The following ARHGEF7 variants were observed in gnomAD, a reference collection of about 807,000 sequenced individuals.
The protein encoded by ARHGEF7 is Rho guanine nucleotide exchange factor 7, also known as PAK-interacting exchange factor beta.
In ARHGEF7, 33 loss-of-function variants were observed where a neutral mutation model predicts 109.8. The observed-to-expected ratio is 0.30, with a 90% confidence interval of 0.23 to 0.40. The LOEUF is 0.40. ARHGEF7 is among the 10% of genes least tolerant of loss of function. ARHGEF7 has a pLI of 1.00. For synonymous variants in ARHGEF7, 458 were observed against 424.6 expected (o/e 1.08, Z -0.97); for missense variants, 938 against 1,098.5 (o/e 0.85, Z 2.07).
intron 9 of ARHGEF7, among the ~76,000 whole-genome samples, chr13:111,269,702 A>C (rs746523519): frequency 3.9e-5 from 6 of 152,056 alleles, no homozygotes; most frequent in Non-Finnish European, 7.4e-5. Flanking sequence ...AGGTCCCCCG[A>C]GCCAGCAGGT....
chr13:111,217,529 G>T (rs116897910), intron 4 of ARHGEF7, 150 bp from the exon 5 acceptor site: 1 of 695,594 alleles, frequency 1.4e-6, no homozygotes, highest in Non-Finnish European at 2.5e-6. Context: ...TGGTCATGGG[G>T]CACTGGAAGG....
At chr13:111,149,086 T>TA (rs556641885) in intron 1 of ARHGEF7, among the ~76,000 whole-genome samples, 3 of 149,628 alleles carry the variant, frequency 2.0e-5, no homozygotes, top group East Asian at 1.9e-4. Flanking sequence ...ATTAACAAAC[T>TA]AAAAAAAAAG....
In ARHGEF7 at chr13:111,172,229, C is replaced by T. The variant is rs143118246; in HGVS notation, c.252+18238C>T. On this transcript the variant is annotated intron_variant, in intron 2 of 21. Coordinates refer to ENST00000646102, the MANE Select transcript of ARHGEF7 (RefSeq NM_001354046.2). ...AAATGGAAGCACTCACTGATCAGTG[C>T]TCTAGGGGCCTTTAGAGCATAGTCT... 3.2e-3 allele frequency among the ~76,000 whole-genome samples: 491 copies of T among 152,242 alleles called. 3 individuals are homozygous for T. Among genetic ancestry groups the T allele is most frequent in the South Asian group, 8.3e-3 (40 of 4,814 alleles).
chr13:111,168,900 A>C (rs73633273), intron 2 of ARHGEF7, among the ~76,000 whole-genome samples: 5,437 of 152,318 alleles, frequency 0.036, 335 homozygotes, highest in African/African-American at 0.12. Context: ...AGGGTAGGTG[A>C]CATTGCTTCT....
Position 111,115,572 on chromosome 13 carries a change from G to C in ARHGEF7, c.46G>C (p.Val16Leu). 7.0e-7 allele frequency: 1 copy of C among 1,428,096 alleles called. No homozygotes were observed. The highest frequency in any genetic ancestry group is 9.3e-7 in the Non-Finnish European group (1 of 1,074,566). 88.5% of individuals were successfully genotyped at this position (1,428,096 alleles called of 1,614,324 possible). Residue 16 changes from valine (V) to leucine (L), a missense_variant, in exon 1 of 22, where the codon GTG becomes CTG. By Grantham distance (32) the Val-to-Leu change is conservative (BLOSUM62 1). Around this residue, in one of 4 missense-constraint regions of ARHGEF7, gnomAD observed 165 missense variants for 125.8 expected, o/e 1.31. Coordinates refer to ENST00000646102, the MANE Select transcript of ARHGEF7 (RefSeq NM_001354046.2). ...CGTTACGTGGCTCATCACTCTGGGG[G>C]TGCTGGAGTCGCCCAAAAAAACCAT... ...QTVTWLITLG[V>L]LESPKKTISD...
chr13:111,241,216 C>T, intron 6 of ARHGEF7: 1 of 1,536,160 alleles, frequency 6.5e-7, no homozygotes, highest in Non-Finnish European at 8.7e-7. Flanking sequence ...TCTTTGAAAA[C>T]TGCCTGCGTC....
At chr13:111,227,643 C>G (rs2085390417) in intron 5 of ARHGEF7, among the ~76,000 whole-genome samples, 1 of 152,150 alleles carries the variant, frequency 6.6e-6, no homozygotes, top group Non-Finnish European at 1.5e-5. Flanking sequence ...GGTCTGAAAC[C>G]AAGCCCTCAG....
intron 10 of ARHGEF7, 43 bp from the exon 11 acceptor site, chr13:111,274,688 C>T (rs772998408): frequency 1.2e-5 from 15 of 1,274,168 alleles, no homozygotes; most frequent in Non-Finnish European, 1.6e-5. Context: ...TTAAGAAAAG[C>T]TTTTCCTTAT....
At chr13:111,241,067 G>A (rs1386147009) in intron 6 of ARHGEF7, 4 of 1,384,142 alleles carry the variant, frequency 2.9e-6, no homozygotes, top group Admixed American at 2.5e-5. Flanking sequence ...GCTCTGAGGC[G>A]GGCAGCATAG....
At chr13:111,235,347 A>T (rs1292790016) in intron 6 of ARHGEF7, among the ~76,000 whole-genome samples, 1 of 152,318 alleles carries the variant, frequency 6.6e-6, no homozygotes, top group East Asian at 1.9e-4. Flanking sequence ...ATTCTGTAAT[A>T]CTTCTCAGAT....
intron 2 of ARHGEF7, among the ~76,000 whole-genome samples, chr13:111,190,660 G>A (rs4773331): frequency 0.31 from 47,604 of 152,024 alleles, 8,327 homozygotes; most frequent in Non-Finnish European, 0.4. Context: ...GTATGGCTCT[G>A]CGATGACAGA....
intron 9 of ARHGEF7, among the ~76,000 whole-genome samples, chr13:111,268,565 G>T (rs981901222): frequency 2.6e-5 from 4 of 152,202 alleles, no homozygotes; most frequent in African/African-American, 9.7e-5. Context: ...AACAGGTGTT[G>T]GTTGCCTCTT....
intron 2 of ARHGEF7, among the ~76,000 whole-genome samples, chr13:111,187,620 TCA>T (rs2079402776): frequency 6.6e-6 from 1 of 152,250 alleles, no homozygotes; most frequent in African/African-American, 2.4e-5. Flanking sequence ...ATTAGACATA[TCA>T]CACGATCTAT....
At chr13:111,137,334 T>A (rs1367951128) in intron 1 of ARHGEF7, among the ~76,000 whole-genome samples, 1 of 152,246 alleles carries the variant, frequency 6.6e-6, no homozygotes, top group Non-Finnish European at 1.5e-5. Context: ...CCTAGCCCAC[T>A]GAGCTCATTA....
intron 2 of ARHGEF7, among the ~76,000 whole-genome samples, chr13:111,159,702 T>G (rs1342907949): frequency 6.6e-6 from 1 of 152,246 alleles, no homozygotes; most frequent in African/African-American, 2.4e-5. Flanking sequence ...GGTCCTTTGC[T>G]CATCATTTTT....
intron 8 of ARHGEF7, among the ~76,000 whole-genome samples, chr13:111,267,232 A>G (rs1426398267): frequency 1.3e-5 from 2 of 152,214 alleles, no homozygotes; most frequent in Non-Finnish European, 2.9e-5. Context: ...AATTCTCCTT[A>G]TTTTATGCAA....
At chr13:111,292,387 T>G in intron 19 of ARHGEF7, 93 bp downstream of exon 19, 2 of 1,567,442 alleles carry the variant, frequency 1.3e-6, no homozygotes, top group Non-Finnish European at 1.7e-6. Context: ...CTGCTTTTCT[T>G]AGATGTTTTC....
intron 19 of ARHGEF7, chr13:111,293,203 A>G: frequency 1.0e-6 from 1 of 985,394 alleles, no homozygotes; most frequent in Non-Finnish European, 1.2e-6. Flanking sequence ...TAGTAGAGGC[A>G]TTTGGAATAC....
In ARHGEF7 at chr13:111,228,537, C is replaced by T. The variant is rs1395862068; in HGVS notation, c.671-4668C>T. ...TTAAGAGTCTATACGTGGTCATTCT[C>T]TGTATGTTTATGTATATTTTTAAGT... On this transcript the variant is annotated intron_variant, in intron 5 of 21. Coordinates refer to ENST00000646102, the MANE Select transcript of ARHGEF7 (RefSeq NM_001354046.2). This position sits in a 1 kb window ranked among gnomAD's most constrained non-coding sequence, Gnocchi z 4.6. Among the ~76,000 whole-genome samples the T allele has an allele frequency of 3.3e-5, 5 of 152,134 alleles. No homozygotes were observed. Among genetic ancestry groups the T allele is most frequent in the African/African-American group, 1.2e-4 (5 of 41,436 alleles).
Sources: gnomAD v4.1 joint callset for allele counts (sites outside exome capture counted in the v4.1 genomes callset) on GRCh38, gnomAD v4.1.1 for gene constraint, gnomAD v4.1.1 regional missense constraint, Gnocchi (gnomAD v3.1) non-coding constraint, MANE v1.5 for transcripts, NCBI Gene and HGNC (gene_info 2026-07-23, HGNC 2026-07-21) for gene names.